Variants in INTS11 observed in about 807,000 individuals in gnomAD.
The protein encoded by INTS11 is integrator complex subunit 11.
A neutral mutation model predicts 78.6 loss-of-function variants in INTS11; 77 were observed. The ratio of observed to expected loss-of-function variants is 0.98; its 90% CI spans 0.81 to 1.18. INTS11 has a LOEUF of 1.18. Among genes scored for constraint, INTS11 ranks in the 50% most tolerant of loss-of-function variants. INTS11 has a pLI of 0.00. For synonymous variants in INTS11, 441 were observed against 326.9 expected (o/e 1.35, Z -3.77); for missense variants, 875 against 825.9 (o/e 1.06, Z -0.73).
Position 1,313,898 on chromosome 1 carries a change from G to T in INTS11, c.791C>A (p.Pro264His). The T allele has an allele frequency of 3.7e-6, 6 of 1,612,824 alleles. No homozygotes were observed. The highest frequency in any genetic ancestry group is 5.1e-6 in the Non-Finnish European group (6 of 1,179,818). ...TFWERMNLKV[P>H]IYFSTGLTEK... is the part of the protein sequence containing the mutation. Reference sequence around the variant, plus strand: ...GGTCAGCCCCGTGGAGAAGTAGATGGGCACCTTCAGGTTCATGCGCTCCCT... The same window carrying T: ...GGTCAGCCCCGTGGAGAAGTAGATGTGCACCTTCAGGTTCATGCGCTCCCT... The change falls in exon 9 of 17, where the codon CCC becomes CAC. Residue 264 changes from proline (P) to histidine (H), a missense_variant. By Grantham distance (77) the Pro-to-His change is moderately conservative. Transcript: ENST00000435064.
At chr1:1,323,051 C>G in intron 1 of INTS11, 2 of 1,442,698 alleles carry the variant, frequency 1.4e-6, no homozygotes, top group South Asian at 2.9e-5. Context: ...ACGGAGGACC[C>G]AGAGAGCAGG....
intron 10 of INTS11, 179 bp downstream of exon 10, chr1:1,313,330 A>T (rs1010341131): frequency 3.2e-5 from 28 of 879,846 alleles, no homozygotes; most frequent in Non-Finnish European, 4.8e-5. Flanking sequence ...CGAGGTGGAC[A>T]AGCTGTGTCA....
chr1:1,314,242 C>T lies in INTS11; in HGVS notation c.767+59G>A. 1 of 1,472,362 alleles carries T rather than the reference C, an allele frequency of 6.8e-7. No individual in the cohort carries two copies. Among genetic ancestry groups the T allele is most frequent in the Non-Finnish European group, 9.3e-7 (1 of 1,074,974 alleles). The allele number at this position is 1,472,362 out of a possible 1,614,324, so 91.2% of individuals were successfully genotyped here. On this transcript the variant is annotated intron_variant, in intron 8 of 16. Transcript: ENST00000435064. The surrounding 1 kb of genome is among the most constrained non-coding windows in gnomAD (Gnocchi z 4.2). ...TACGCTGGACAGGGCTGCCCACCAA[C>T]TGGACTGTGTTCAGGCCGGGCCAGG...
intron 3 of INTS11, chr1:1,320,145 C>G: frequency 2.8e-6 from 1 of 356,080 alleles, no homozygotes; most frequent in South Asian, 2.9e-5. Flanking sequence ...AGGGCAGACT[C>G]GGGACTCTGG....
At chr1:1,318,744 G>A (rs371150561) in intron 4 of INTS11, 7 of 515,874 alleles carry the variant, frequency 1.4e-5, no homozygotes, top group Admixed American at 3.8e-5. Context: ...AAATACATAG[G>A]TACCTAATAT....
chr1:1,320,126 G>T, intron 3 of INTS11: 1 of 298,710 alleles, frequency 3.3e-6, no homozygotes, highest in Non-Finnish European at 6.4e-6. Context: ...AACCCTAAAG[G>T]CTGGGGTCAG....
intron 1 of INTS11, among the ~76,000 whole-genome samples, chr1:1,321,754 G>A (rs544062225): frequency 6.6e-6 from 1 of 152,348 alleles, no homozygotes; most frequent in South Asian, 2.1e-4. Context: ...GCCCTGCCCA[G>A]CTGCTCCAGC....
In INTS11 at chr1:1,315,442, G is replaced by C; in HGVS notation, c.529-4C>G. 1 of 1,613,116 alleles carries C rather than the reference G, an allele frequency of 6.2e-7. No individual in the cohort carries two copies. The highest frequency in any genetic ancestry group is 8.5e-7 in the Non-Finnish European group (1 of 1,179,916). On this transcript the variant is annotated splice_polypyrimidine_tract_variant and splice_region_variant and intron_variant, in intron 5 of 16. Transcript: ENST00000435064. ...CTGGGGTCATGTTATAATCACCCTG[G>C]TGAACGATCAAGGATGCCATGAGGA...
Position 1,314,011 on chromosome 1 carries a change from T to C in INTS11, c.768-90A>G. On this transcript the variant is annotated intron_variant, in intron 8 of 16. Coordinates refer to ENST00000435064, the MANE Select transcript of INTS11 (RefSeq NM_017871.6). This position sits in a 1 kb window ranked among gnomAD's most constrained non-coding sequence, Gnocchi z 4.2. ...CCGGGTCACCCCCAACACCCGTGTCTGCACAGCCCACGCACGGGCCAGGTT... is the reference window on the plus strand; with the variant it reads ...CCGGGTCACCCCCAACACCCGTGTCCGCACAGCCCACGCACGGGCCAGGTT... 2 of 1,355,864 alleles carry C rather than the reference T, an allele frequency of 1.5e-6. No homozygotes were observed. Among genetic ancestry groups the C allele is most frequent in the Non-Finnish European group, 1.0e-6 (1 of 968,538 alleles). The allele number at this position is 1,355,864 out of a possible 1,614,324, so 84.0% of individuals were successfully genotyped here. A position where few individuals can be genotyped will look rare whatever the true frequency, so the allele number is the denominator to read the frequency against.
chr1:1,315,794 C>CAGCGAGGGAGGCAGGGGCAGGG (rs1218756180), intron 4 of INTS11, 176 bp from the exon 5 acceptor site: 1 of 34,250 alleles, frequency 2.9e-5, no homozygotes, highest in Non-Finnish European at 5.9e-5. Context: ...GGGAGGCGGG[C>CAGCGAGGGAGGCAGGGGCAGGG]AGCGAGGGAG....
rs919299688 is a variant in INTS11 at position 1,319,762 on chromosome 1, G to A, written c.201-238C>T. The A allele has an allele frequency of 9.1e-6, 5 of 548,334 alleles. No homozygotes were observed. In the East Asian group the frequency reaches 1.2e-4, roughly 13 times the overall value. 34.0% of individuals were successfully genotyped at this position (548,334 alleles called of 1,614,324 possible). ...ACACGTCGGTGACGGCGACATGCTC[G>A]CGAGACAATGCAAAGCTGCTGAGGG... is the stretch of plus-strand genomic sequence containing the variant. On this transcript the variant is annotated intron_variant, in intron 3 of 16. Coordinates refer to ENST00000435064, the MANE Select transcript of INTS11 (RefSeq NM_017871.6).
Position 1,311,733 on chromosome 1 carries a change from G to A in INTS11, c.*126C>T, listed in dbSNP as rs186301283. On this transcript the variant is annotated 3_prime_UTR_variant, in exon 17 of 17. Coordinates refer to ENST00000435064, the MANE Select transcript of INTS11 (RefSeq NM_017871.6). ...TGCCTGGGCAGGCAGGTGACACAAG[G>A]CCTCTGTCCCCAGGGATGGGACCTG... 8.6e-4 allele frequency: 836 copies of A among 968,210 alleles called. No homozygotes were observed. Among genetic ancestry groups the A allele is most frequent in the Non-Finnish European group, 1.2e-3 (744 of 633,742 alleles). 60.0% of individuals were successfully genotyped at this position (968,210 alleles called of 1,614,324 possible).
intron 1 of INTS11, chr1:1,323,123 G>A (rs1643059811): frequency 9.1e-6 from 14 of 1,545,298 alleles, no homozygotes; most frequent in South Asian, 1.2e-5. Flanking sequence ...CAGGCCAGGG[G>A]TGTTCACAGC....
chr1:1,319,056 A>G (rs1886773), intron 4 of INTS11: 662,514 of 715,290 alleles, frequency 0.93, 307,813 homozygotes, highest in Non-Finnish European at 0.96. Context: ...TGGTGGGTTC[A>G]TAAGCCGGTG....
intron 3 of INTS11, 193 bp downstream of exon 3, chr1:1,320,263 C>G (rs1282215959): frequency 1.7e-6 from 1 of 601,322 alleles, no homozygotes; most frequent in Non-Finnish European, 3.0e-6. Context: ...AGGGCAGGGC[C>G]GGAAGAACAG....
chr1:1,316,855 C>G (rs931787981), intron 4 of INTS11: 1 of 151,826 alleles, frequency 6.6e-6, no homozygotes, highest in African/African-American at 2.4e-5. Flanking sequence ...ACCCGGGAGG[C>G]GGAGGTTGCA....
Position 1,313,769 on chromosome 1 carries a change from G to A in INTS11, c.920C>T (p.Ala307Val), listed in dbSNP as rs150166328. 5 of 1,613,204 alleles carry A rather than the reference G, an allele frequency of 3.1e-6. No homozygotes were observed. The African/African-American group carries it at 4.0e-5, about 13-fold the overall frequency. Residue 307 changes from alanine (A) to valine (V), a missense_variant, in exon 9 of 17, where the codon GCC becomes GTC. Physicochemically the swap from Ala to Val is moderately conservative, Grantham distance 64. Transcript: ENST00000435064. Reference protein sequence around the residue: ...RNMFEFKHIKAFDRAFADNPG... With the variant: ...RNMFEFKHIKVFDRAFADNPG... ...GTTGTCAGCAAAAGCCCGGTCGAAG[G>A]CCTTGATGTGCTTGAACTCAAACAT...
At chr1:1,317,417 A>C in intron 4 of INTS11, 1 of 941,782 alleles carries the variant, frequency 1.1e-6, no homozygotes, top group Non-Finnish European at 1.3e-6. Flanking sequence ...AAAAAAAAAA[A>C]GAATTCAACA....
At position 1,314,624 on chromosome 1, in the gene INTS11, G is replaced by A; in HGVS notation, c.702+200C>T. The A allele has an allele frequency of 1.4e-6, 1 of 701,852 alleles. No individual in the cohort carries two copies. The highest frequency in any genetic ancestry group is 2.9e-5 in the Admixed American group (1 of 34,076). 43.5% of individuals were successfully genotyped at this position (701,852 alleles called of 1,614,324 possible). On this transcript the variant is annotated intron_variant, in intron 7 of 16. Coordinates refer to ENST00000435064, the MANE Select transcript of INTS11 (RefSeq NM_017871.6). This position sits in a 1 kb window ranked among gnomAD's most constrained non-coding sequence, Gnocchi z 4.2. ...TGGCCAGGGCTTCGTCCGCACCTGA[G>A]GTAGGAGGGAAAAGGGGCTCCCTAG... is the stretch of plus-strand genomic sequence containing the variant.
Sources: allele counts gnomAD v4.1 joint callset (sites outside exome capture counted in the v4.1 genomes callset), GRCh38; gene constraint gnomAD v4.1.1; non-coding constraint Gnocchi (gnomAD v3.1); transcripts MANE v1.5; gene names NCBI Gene and HGNC (gene_info 2026-07-23, HGNC 2026-07-21).